KIF21A: variants seen among roughly 807,000 people sequenced by gnomAD.
The protein encoded by KIF21A is kinesin-like protein KIF21A.
Under a neutral mutation model 202.9 loss-of-function variants are expected in KIF21A, and 114 were observed. The ratio of observed to expected loss-of-function variants is 0.56; its 90% CI spans 0.48 to 0.66. KIF21A has a LOEUF of 0.66. Among genes scored for constraint, KIF21A ranks in the 30% least tolerant of loss-of-function variants. The pLI is 0.00. For synonymous variants in KIF21A, 667 were observed against 670.8 expected (o/e 0.99, Z 0.09); for missense variants, 1,677 against 1,994.9 (o/e 0.84, Z 3.04).
chr12:39,352,513 G>T (rs1948469168), intron 10 of KIF21A, among the ~76,000 whole-genome samples: 1 of 152,030 alleles, frequency 6.6e-6, no homozygotes, highest in African/African-American at 2.4e-5. Flanking sequence ...GATGCCAGTG[G>T]TAATTAGATT....
Position 39,341,549 on chromosome 12 carries a change from C to A in KIF21A, c.1877G>T (p.Gly626Val), listed in dbSNP as rs1427945712. The A allele has an allele frequency of 6.2e-7, 1 of 1,613,000 alleles. No individual in the cohort carries two copies. Among genetic ancestry groups the A allele is most frequent in the Non-Finnish European group, 8.5e-7 (1 of 1,179,408 alleles). The change falls in exon 14 of 38, where the codon GGG (glycine) becomes GTG (valine). Residue 626 changes from glycine to valine, a missense_variant. Gly to Val is a moderately radical substitution (Grantham distance 109). This residue lies in a region of KIF21A where 966 missense variants were observed against 1,180.9 expected (regional missense o/e 0.82). Transcript: ENST00000361418. ...ATCTGATTCATCAGAACTTTCACCC[C>A]CATCAATGTCATCTTCCTCCTCCTC... ...EEEEEEDDIDGGESSDESDSE... is the reference protein window; with the variant it reads ...EEEEEEDDIDVGESSDESDSE...
At chr12:39,397,207 G>T (rs1281166805) in intron 1 of KIF21A, among the ~76,000 whole-genome samples, 1 of 152,108 alleles carries the variant, frequency 6.6e-6, no homozygotes, top group Non-Finnish European at 1.5e-5. Flanking sequence ...CAATAAAACT[G>T]CTAAAATACT....
intron 1 of KIF21A, among the ~76,000 whole-genome samples, chr12:39,426,718 C>CAA (rs1200308560): frequency 4.9e-5 from 4 of 81,924 alleles, no homozygotes; most frequent in East Asian, 3.3e-4. Flanking sequence ...ACTAAAAATA[C>CAA]AAAAAAAAAA....
At position 39,382,197 on chromosome 12, in the gene KIF21A, G is replaced by A. The variant is rs191140719; in HGVS notation, c.45-11936C>T. ...CCTCAAGTTGTGGGGTCAGGAGGTGGGAGACAGAATGAATCTGTCTTTCAT... is the reference window on the plus strand; with the variant it reads ...CCTCAAGTTGTGGGGTCAGGAGGTGAGAGACAGAATGAATCTGTCTTTCAT... On this transcript the variant is annotated intron_variant, in intron 1 of 37. Transcript: ENST00000361418. Among the ~76,000 whole-genome samples, 697 of 152,198 alleles carry A rather than the reference G, an allele frequency of 4.6e-3. 2 individuals are homozygous for A. Among genetic ancestry groups the A allele is most frequent in the Non-Finnish European group, 8.4e-3 (571 of 67,996 alleles).
intron 1 of KIF21A, among the ~76,000 whole-genome samples, chr12:39,412,763 C>T (rs767426422): frequency 6.6e-6 from 1 of 152,084 alleles, no homozygotes; most frequent in Non-Finnish European, 1.5e-5. Flanking sequence ...ATAACTAATG[C>T]ATCTCCATAA....
At chr12:39,340,813 A>T in intron 15 of KIF21A, 93 bp downstream of exon 15, 2 of 892,704 alleles carry the variant, frequency 2.2e-6, no homozygotes, top group Admixed American at 2.4e-5. Context: ...AGGGTTTAAT[A>T]CGGCTTCTAT....
chr12:39,331,055 T>G lies in KIF21A; in HGVS notation c.3154-144A>C, dbSNP rs192150001. 1,107 of 779,204 alleles carry G rather than the reference T, an allele frequency of 1.4e-3. 23 individuals carry two copies. The East Asian group carries it at 0.021, about 15-fold the overall frequency. 48.3% of individuals were successfully genotyped at this position (779,204 alleles called of 1,614,324 possible). On this transcript the variant is annotated intron_variant, in intron 22 of 37. Coordinates refer to ENST00000361418, the MANE Select transcript of KIF21A (RefSeq NM_001173464.2). ...CATCCCAGCTCCTCCAGTAACTGGC[T>G]TAGTGATCATGTACAAGTTCACCTG...
intron 1 of KIF21A, among the ~76,000 whole-genome samples, chr12:39,418,487 G>A (rs1184622825): frequency 2.6e-5 from 4 of 152,174 alleles, no homozygotes; most frequent in Non-Finnish European, 4.4e-5. Flanking sequence ...TTCATTATCT[G>A]TTGTTCCTAA....
chr12:39,393,478 C>A (rs920898404), intron 1 of KIF21A, among the ~76,000 whole-genome samples: 13 of 152,110 alleles, frequency 8.5e-5, no homozygotes, highest in African/African-American at 3.1e-4. Context: ...CCAGAGACAC[C>A]CCTGGTGACT....
At chr12:39,401,711 G>C (rs907972326) in intron 1 of KIF21A, among the ~76,000 whole-genome samples, 3 of 152,174 alleles carry the variant, frequency 2.0e-5, no homozygotes, top group Non-Finnish European at 4.4e-5. Flanking sequence ...TTCATGAGAA[G>C]TGTTTAATGT....
chr12:39,324,208 C>T (rs1259708430), intron 26 of KIF21A, among the ~76,000 whole-genome samples: 2 of 152,044 alleles, frequency 1.3e-5, no homozygotes, highest in African/African-American at 4.8e-5. Context: ...AAGAGAAAGC[C>T]CTGTAGCCAT....
Position 39,367,065 on chromosome 12 carries a change from C to CATGAATGGTAAAA in KIF21A, c.687_699dup (p.Val234PhefsTer17). On this transcript the variant is annotated frameshift_variant, in exon 5 of 38. Transcript: ENST00000361418. LOFTEE classifies it high-confidence loss of function. ...TGGGGACACACTCTGGTTTGACACACATGAATGGTAAAAATGGCATGTGAA... is the reference window on the plus strand; with the variant it reads ...TGGGGACACACTCTGGTTTGACACACATGAATGGTAAAAATGAATGGTAAAAATGGCATGTGAA... 1 of 1,613,842 alleles carries CATGAATGGTAAAA rather than the reference C, an allele frequency of 6.2e-7. No individual in the cohort carries two copies. The highest frequency in any genetic ancestry group is 1.1e-5 in the South Asian group (1 of 91,082).
intron 33 of KIF21A, among the ~76,000 whole-genome samples, chr12:39,308,923 T>C (rs1943736791): frequency 6.6e-6 from 1 of 152,188 alleles, no homozygotes; most frequent in Non-Finnish European, 1.5e-5. Flanking sequence ...AATTAACCTT[T>C]CTTATGCTCC....
intron 1 of KIF21A, among the ~76,000 whole-genome samples, chr12:39,377,472 G>A (rs915558064): frequency 1.6e-4 from 24 of 152,222 alleles, no homozygotes; most frequent in Middle Eastern, 3.4e-3. Flanking sequence ...CATTAAGGAA[G>A]CATCTGCCCT....
chr12:39,321,459 C>T (rs1251124770), intron 27 of KIF21A: 2 of 152,168 alleles, frequency 1.3e-5, no homozygotes, highest in African/African-American at 4.8e-5. Context: ...CTCAGTTCTA[C>T]ATCACTACCT....
chr12:39,365,999 C>T (rs1006083223), intron 6 of KIF21A, among the ~76,000 whole-genome samples: 1 of 151,952 alleles, frequency 6.6e-6, no homozygotes, highest in African/African-American at 2.4e-5. Flanking sequence ...GAGTGAGACC[C>T]TGTTTTAAAA....
chr12:39,369,651 A>T, intron 3 of KIF21A, 78 bp downstream of exon 3: 1 of 1,070,770 alleles, frequency 9.3e-7, no homozygotes, highest in Non-Finnish European at 1.4e-6. Context: ...CTATACTTGA[A>T]GCCAACAGTA....
intron 1 of KIF21A, among the ~76,000 whole-genome samples, chr12:39,423,609 G>A (rs1283573378): frequency 6.6e-6 from 1 of 151,822 alleles, no homozygotes; most frequent in Non-Finnish European, 1.5e-5. Context: ...AGCACTTTGG[G>A]AGGCAGAGGC....
intron 1 of KIF21A, among the ~76,000 whole-genome samples, chr12:39,422,375 G>T (rs1954371807): frequency 6.6e-6 from 1 of 152,100 alleles, no homozygotes; most frequent in South Asian, 2.1e-4. Context: ...AGTGTGACTA[G>T]TATTGTTCTA....
Sources: gnomAD v4.1 joint callset for allele counts (sites outside exome capture counted in the v4.1 genomes callset) on GRCh38, gnomAD v4.1.1 for gene constraint, gnomAD v4.1.1 regional missense constraint, MANE v1.5 for transcripts, NCBI Gene and HGNC (gene_info 2026-07-23, HGNC 2026-07-21) for gene names.